The following CTNNBIP1 variants were observed in gnomAD, a reference collection of about 807,000 sequenced individuals.
CTNNBIP1 encodes catenin beta interacting protein 1, also known as beta-catenin-interacting protein 1.
A neutral mutation model predicts 11.8 loss-of-function variants in CTNNBIP1; 7 were observed. The ratio of observed to expected loss-of-function variants is 0.60; its 90% CI spans 0.34 to 1.12. The LOEUF is 1.12. CTNNBIP1 is among the 50% of genes most tolerant of loss of function. CTNNBIP1 has a pLI of 0.03. For synonymous variants in CTNNBIP1, 58 were observed against 43.9 expected, an observed-to-expected ratio of 1.32 and a Z score of -1.26; for missense variants, 101 against 113.4, an observed-to-expected ratio of 0.89 and a Z score of 0.50.
intron 5 of CTNNBIP1, among the ~76,000 whole-genome samples, chr1:9,864,131 G>C (rs1016356253): frequency 8.5e-5 from 13 of 152,166 alleles, no homozygotes; most frequent in Admixed American, 5.9e-4. Context: ...GTGTCTTGGA[G>C]AAAGAGTGTG....
chr1:9,882,692 G>A (rs1395418944), intron 2 of CTNNBIP1, among the ~76,000 whole-genome samples: 2 of 152,126 alleles, frequency 1.3e-5, no homozygotes, highest in Non-Finnish European at 2.9e-5. Context: ...GCAGGGGCTT[G>A]GTTGGGTAGA....
In CTNNBIP1 at chr1:9,848,281, A is replaced by G. The variant is rs541583227; in HGVS notation, c.*2437T>C. The G allele has an allele frequency of 4.7e-4, 72 of 152,352 alleles. No homozygotes were observed. Among genetic ancestry groups the G allele is most frequent in the African/African-American group, 1.7e-3 (69 of 41,576 alleles). 9.4% of individuals were successfully genotyped at this position (152,352 alleles called of 1,614,324 possible). On this transcript the variant is annotated 3_prime_UTR_variant, in exon 6 of 6. Coordinates refer to ENST00000377263, the MANE Select transcript of CTNNBIP1 (RefSeq NM_020248.3). This position sits in a 1 kb window ranked among gnomAD's most constrained non-coding sequence, Gnocchi z 4.3. ...ACCAGCTCAGCTCACACACGAACCTATGAAAATTCTTTATTGTTAATTTCT... is the reference window on the plus strand; with the variant it reads ...ACCAGCTCAGCTCACACACGAACCTGTGAAAATTCTTTATTGTTAATTTCT...
intron 1 of CTNNBIP1, among the ~76,000 whole-genome samples, chr1:9,906,276 G>T (rs945223149): frequency 6.6e-6 from 1 of 152,176 alleles, no homozygotes; most frequent in African/African-American, 2.4e-5. Context: ...CTACACTTCA[G>T]GCCAGGCACG....
At chr1:9,895,054 C>A (rs895099698) in intron 1 of CTNNBIP1, among the ~76,000 whole-genome samples, 1 of 151,994 alleles carries the variant, frequency 6.6e-6, no homozygotes, top group Non-Finnish European at 1.5e-5. Context: ...ACTACAGACG[C>A]CCACCACCAT....
chr1:9,897,440 C>T (rs1159573216), intron 1 of CTNNBIP1, among the ~76,000 whole-genome samples: 4 of 151,576 alleles, frequency 2.6e-5, no homozygotes, highest in East Asian at 3.9e-4. Flanking sequence ...GGCCACAGAG[C>T]GAGACTCCGT....
chr1:9,869,379 G>GTTTTT (rs1638811755), intron 5 of CTNNBIP1, among the ~76,000 whole-genome samples: 1 of 150,690 alleles, frequency 6.6e-6, no homozygotes, highest in African/African-American at 2.4e-5. Flanking sequence ...GTTTTGTTTT[G>GTTTTT]TTTTGTTTTT....
At chr1:9,886,572 A>C (rs909932152) in intron 1 of CTNNBIP1, among the ~76,000 whole-genome samples, 4 of 152,206 alleles carry the variant, frequency 2.6e-5, no homozygotes, top group Non-Finnish European at 4.4e-5. Context: ...ACAGGGCTTT[A>C]CAAATGGGCA....
chr1:9,854,878 T>C (rs1456229969), intron 5 of CTNNBIP1, among the ~76,000 whole-genome samples: 1 of 152,158 alleles, frequency 6.6e-6, no homozygotes, highest in Non-Finnish European at 1.5e-5. Flanking sequence ...GGTTTTGCCA[T>C]GTTGTCCAGG....
At chr1:9,888,364 C>A (rs1639228961) in intron 1 of CTNNBIP1, among the ~76,000 whole-genome samples, 1 of 151,772 alleles carries the variant, frequency 6.6e-6, no homozygotes. Context: ...CGCGGATCAC[C>A]TGAGGTCAGG....
intron 1 of CTNNBIP1, among the ~76,000 whole-genome samples, chr1:9,905,819 T>C (rs1390455908): frequency 6.6e-6 from 1 of 152,178 alleles, no homozygotes; most frequent in Non-Finnish European, 1.5e-5. Flanking sequence ...GCATGCCTCT[T>C]AAAGACCGTG....
At chr1:9,874,479 C>T (rs1035664746) in intron 3 of CTNNBIP1, among the ~76,000 whole-genome samples, 2 of 152,298 alleles carry the variant, frequency 1.3e-5, no homozygotes, top group East Asian at 3.9e-4. Context: ...GTCTCAAATT[C>T]CTGGTCTCAA....
chr1:9,888,660 C>A (rs1355933737), intron 1 of CTNNBIP1, among the ~76,000 whole-genome samples: 1 of 152,226 alleles, frequency 6.6e-6, no homozygotes, highest in Non-Finnish European at 1.5e-5. Flanking sequence ...ATGTTAGCCA[C>A]AGCTAGCCCT....
intron 3 of CTNNBIP1, among the ~76,000 whole-genome samples, chr1:9,876,845 T>TACACACACACACACAC (rs34192085): frequency 5.4e-4 from 75 of 138,208 alleles, no homozygotes; most frequent in Middle Eastern, 3.6e-3. Flanking sequence ...CTGCTATACA[T>TACACACACACACACAC]ACACACACAC....
At chr1:9,850,815 A>G (rs1356902930) in intron 5 of CTNNBIP1, 39 bp from the exon 6 acceptor site, 9 of 1,600,900 alleles carry the variant, frequency 5.6e-6, no homozygotes, top group Non-Finnish European at 7.7e-6. Flanking sequence ...TGGGGCTTGC[A>G]GCATTGGCTT....
rs374504447 is a variant in CTNNBIP1 at position 9,871,933 on chromosome 1, T to A, written c.96+36A>T. On this transcript the variant is annotated intron_variant, in intron 4 of 5. Transcript: ENST00000377263. The surrounding 1 kb of genome is among the most constrained non-coding windows in gnomAD (Gnocchi z 5.2). ...GGGCCCCTCCCTGGGAGACCCTCCCTGGGGGCCCGCTGCCTGACACCCCAC... is the reference window on the plus strand; with the variant it reads ...GGGCCCCTCCCTGGGAGACCCTCCCAGGGGGCCCGCTGCCTGACACCCCAC... 3 of 1,576,214 alleles carry A rather than the reference T, an allele frequency of 1.9e-6. No homozygotes were observed. The African/African-American group carries it at 4.0e-5, about 21-fold the overall frequency.
intron 1 of CTNNBIP1, among the ~76,000 whole-genome samples, chr1:9,897,927 T>C (rs1319691469): frequency 1.3e-5 from 2 of 151,816 alleles, no homozygotes; most frequent in African/African-American, 4.8e-5. Flanking sequence ...AAGACCAGCC[T>C]GGCCAATAGG....
intron 5 of CTNNBIP1, among the ~76,000 whole-genome samples, chr1:9,869,905 G>C (rs1183655244): frequency 6.6e-6 from 1 of 152,210 alleles, no homozygotes; most frequent in African/African-American, 2.4e-5. Flanking sequence ...TCCCAGGATG[G>C]GGCGGGAGCC....
At chr1:9,875,095 A>G (rs982619169) in intron 3 of CTNNBIP1, among the ~76,000 whole-genome samples, 6 of 152,020 alleles carry the variant, frequency 3.9e-5, no homozygotes, top group African/African-American at 7.2e-5. Flanking sequence ...CCCCACCCCC[A>G]GCAGGTTCTC....
intron 1 of CTNNBIP1, among the ~76,000 whole-genome samples, chr1:9,894,819 C>T (rs969023089): frequency 6.6e-6 from 1 of 152,100 alleles, no homozygotes; most frequent in Non-Finnish European, 1.5e-5. Flanking sequence ...CTGCTCACTG[C>T]AATTTCCGCC....
Sources: allele counts gnomAD v4.1 joint callset (sites outside exome capture counted in the v4.1 genomes callset), GRCh38; gene constraint gnomAD v4.1.1; non-coding constraint Gnocchi (gnomAD v3.1); transcripts MANE v1.5; gene names NCBI Gene and HGNC (gene_info 2026-07-23, HGNC 2026-07-21).